The following PPEF1 variants were observed in gnomAD, a reference collection of about 807,000 sequenced individuals.
The protein encoded by PPEF1 is serine/threonine-protein phosphatase with EF-hands 1.
In PPEF1, 12 loss-of-function variants were observed where a neutral mutation model predicts 53.3. The observed-to-expected ratio is 0.23, with a 90% CI of 0.14 to 0.36. The LOEUF (loss-of-function observed/expected upper bound fraction) is 0.36. PPEF1 is among the 10% of genes least tolerant of loss of function. The pLI, the probability that PPEF1 is intolerant of heterozygous loss-of-function variation, is 1.00. For missense variants in PPEF1, 334 were observed against 490.4 expected, an observed-to-expected ratio of 0.68 and a Z score of 3.01; for synonymous variants, 165 against 176.7, an observed-to-expected ratio of 0.93 and a Z score of 0.52.
intron 6 of PPEF1, among the ~76,000 whole-genome samples, chrX:18,771,436 TA>T (rs1463718859): frequency 8.9e-6 from 1 of 111,804 alleles, no homozygotes; most frequent in Non-Finnish European, 1.9e-5. Flanking sequence ...TAATACTTAT[TA>T]AGATGATAAT....
intron 5 of PPEF1, among the ~76,000 whole-genome samples, chrX:18,759,111 T>G (rs146894539): frequency 9.0e-6 from 1 of 111,361 alleles, no homozygotes. Context: ...AGACAAAGAT[T>G]AGGGCGTGAC....
upstream of PPEF1, among the ~76,000 whole-genome samples, chrX:18,680,276 T>C (rs1047625299): frequency 1.8e-5 from 2 of 109,598 alleles, no homozygotes; most frequent in African/African-American, 6.7e-5. Context: ...TGTTGCTTGT[T>C]CTCTCACCTT....
At chrX:18,696,319 ATT>A (rs34503947) in intron 4 of PPEF1, among the ~76,000 whole-genome samples, 4 of 95,703 alleles carry the variant, frequency 4.2e-5, no homozygotes, top group Admixed American at 1.2e-4. Context: ...CACCCAGCTA[ATT>A]TTTTTTTTTT....
At chrX:18,722,850 A>G (rs1357242729) in intron 1 of PPEF1, among the ~76,000 whole-genome samples, 3 of 111,673 alleles carry the variant, frequency 2.7e-5, no homozygotes, top group African/African-American at 9.8e-5. Flanking sequence ...AGGGGTGGTC[A>G]GGAAAGGCCT....
intron 6 of PPEF1, among the ~76,000 whole-genome samples, chrX:18,702,059 C>T (rs2147267456): frequency 8.9e-6 from 1 of 112,050 alleles, no homozygotes; most frequent in African/African-American, 3.2e-5. Flanking sequence ...GTAATTGCTC[C>T]ACTGTTCTAC....
intron 3 of PPEF1, among the ~76,000 whole-genome samples, chrX:18,741,772 C>CTTTTTTTTTTTTTTTTTTTTTTTTTTT (rs58971135): frequency 1.5e-5 from 1 of 66,341 alleles, no homozygotes; most frequent in African/African-American, 5.9e-5. Flanking sequence ...GCTGCTGCTT[C>CTTTTTTTTTTTTTTTTTTTTTTTTTTT]TTTTTTTTTT....
intron 10 of PPEF1, among the ~76,000 whole-genome samples, chrX:18,797,386 G>C (rs1342619803): frequency 9.0e-6 from 1 of 111,594 alleles, no homozygotes; most frequent in African/African-American, 3.3e-5. Flanking sequence ...ATATTTAATC[G>C]GAGTTAAGTC....
chrX:18,752,854 C>G (rs899025376), intron 4 of PPEF1, among the ~76,000 whole-genome samples: 1 of 110,327 alleles, frequency 9.1e-6, no homozygotes, highest in Admixed American at 9.7e-5. Context: ...ATAAATCCCT[C>G]TTGGCCATGG....
chrX:18,700,914 G>A (rs146069278), intron 6 of PPEF1, among the ~76,000 whole-genome samples: 22 of 112,464 alleles, frequency 2.0e-4, no homozygotes, highest in Non-Finnish European at 3.0e-4. Flanking sequence ...GATTTAGTTC[G>A]TATGCGAACT....
At chrX:18,679,859 G>A (rs899828831), upstream of PPEF1, among the ~76,000 whole-genome samples, 2 of 111,128 alleles carry the variant, frequency 1.8e-5, no homozygotes, top group African/African-American at 6.6e-5. Flanking sequence ...GGAGGCCAAG[G>A]TGGGCAGACA....
At chrX:18,709,500 T>TGG (rs2044273101) in intron 1 of PPEF1, among the ~76,000 whole-genome samples, 1 of 66,363 alleles carries the variant, frequency 1.5e-5, no homozygotes, top group South Asian at 8.8e-4. Context: ...GCTTTGTTTT[T>TGG]TGTTTTTTGT....
intron 10 of PPEF1, among the ~76,000 whole-genome samples, chrX:18,793,697 C>G (rs1341765307): frequency 3.5e-5 from 3 of 85,130 alleles, no homozygotes; most frequent in African/African-American, 8.5e-5. Context: ...CCGCTCCCCC[C>G]ACCCCCCGCC....
At chrX:18,692,596 C>T (rs1373722847) in intron 4 of PPEF1, among the ~76,000 whole-genome samples, 1 of 111,648 alleles carries the variant, frequency 9.0e-6, no homozygotes, top group Non-Finnish European at 1.9e-5. Context: ...CCTTCATCCC[C>T]GCTGCCATGA....
chrX:18,710,653 G>A (rs1372589725), intron 1 of PPEF1, among the ~76,000 whole-genome samples: 1 of 111,306 alleles, frequency 9.0e-6, no homozygotes, highest in Non-Finnish European at 1.9e-5. Flanking sequence ...CGGTCAGAAT[G>A]GCTATTACTA....
In PPEF1 at chrX:18,811,700, G is replaced by A. The variant is rs1602481806; in HGVS notation, c.1394+5155G>A. Among the ~76,000 whole-genome samples the A allele has an allele frequency of 3.8e-5, 4 of 103,967 alleles. 1 individual carries two copies. In the South Asian group the frequency reaches 1.8e-3, roughly 47 times the overall value. The allele number at this position is 103,967 out of a possible 115,157, so 90.3% of individuals were successfully genotyped here. A position where few individuals can be genotyped will look rare whatever the true frequency, so the allele number is the denominator to read the frequency against. On this transcript the variant is annotated intron_variant, in intron 12 of 15. Transcript: ENST00000470157. ...ATGGCTCACTGCAGCCTTGGCCTGCGGGGCTCAATTGATCCTCCTGCCTCA... is the reference window on the plus strand; with the variant it reads ...ATGGCTCACTGCAGCCTTGGCCTGCAGGGCTCAATTGATCCTCCTGCCTCA...
At chrX:18,710,985 AGTGTGTGTGTGTGTATATAT>A (rs1569244949) in intron 1 of PPEF1, among the ~76,000 whole-genome samples, 1 of 106,581 alleles carries the variant, frequency 9.4e-6, no homozygotes, top group Admixed American at 1.0e-4. Flanking sequence ...TGTATATGTA[AGTGTGTGTGTGTGTATATAT>A]GTGTGTGTGT....
At chrX:18,681,675 T>C (rs1928888939), upstream of PPEF1, among the ~76,000 whole-genome samples, 1 of 112,139 alleles carries the variant, frequency 8.9e-6, no homozygotes, top group South Asian at 3.7e-4. Flanking sequence ...ATATTCACTT[T>C]TCTTCCCCAT....
intron 14 of PPEF1, 55 bp downstream of exon 14, chrX:18,824,141 C>G (rs758802366): frequency 3.8e-5 from 42 of 1,096,598 alleles, no homozygotes; most frequent in Non-Finnish European, 4.9e-5. Flanking sequence ...ATAACTTAGT[C>G]CTTTGAAAAG....
chrX:18,798,520 G>C (rs2046478117), intron 10 of PPEF1, among the ~76,000 whole-genome samples: 2 of 111,612 alleles, frequency 1.8e-5, no homozygotes, highest in African/African-American at 6.5e-5. Context: ...GGAAGGACGT[G>C]ACCTACTTTA....
Sources: allele counts gnomAD v4.1 joint callset (sites outside exome capture counted in the v4.1 genomes callset), GRCh38; gene constraint gnomAD v4.1.1; transcripts MANE v1.5; gene names NCBI Gene and HGNC (gene_info 2026-07-23, HGNC 2026-07-21).